Variants in KCNG4 observed in about 807,000 individuals in gnomAD.
The protein encoded by KCNG4 is voltage-gated potassium channel regulatory subunit KCNG4.
A neutral mutation model predicts 28.2 loss-of-function variants in KCNG4; 30 were observed. The ratio of observed to expected loss-of-function variants is 1.06; its 90% confidence interval spans 0.80 to 1.44. The LOEUF (loss-of-function observed/expected upper bound fraction) is 1.44. Ranked by LOEUF, KCNG4 falls within the 40% of genes most tolerant of loss-of-function variation. The probability of loss-of-function intolerance (pLI) is 0.00; values close to 1 mark genes in which losing one functional copy is unlikely to be tolerated. For missense variants in KCNG4, 879 were observed against 712.3 expected, an observed-to-expected ratio of 1.23 and a Z score of -2.66; for synonymous variants, 375 against 315.5, an observed-to-expected ratio of 1.19 and a Z score of -2.00.
rs1374655811 is a variant in KCNG4, at chr16:84,228,572, C to G, written c.757-5552G>C. Among the ~76,000 whole-genome samples, 4 of 152,264 alleles carry G rather than the reference C, an allele frequency of 2.6e-5. No individual in the cohort carries two copies. In the East Asian group the frequency reaches 7.7e-4, roughly 29 times the overall value. On this transcript the variant is annotated intron_variant, in intron 2 of 2. Coordinates refer to ENST00000308251, the MANE Select transcript of KCNG4 (RefSeq NM_172347.3). ...GGCCTCCCCCCAGGCACTACTCACC[C>G]CGAGCCGCAATCCCTCCTCCCCAGG...
intron 2 of KCNG4, among the ~76,000 whole-genome samples, chr16:84,234,087 G>A (rs1337524445): frequency 6.6e-6 from 1 of 152,190 alleles, no homozygotes; most frequent in African/African-American, 2.4e-5. Flanking sequence ...TCCCCCCTGG[G>A]AAATCCGGAA....
chr16:84,237,548 C>T, intron 1 of KCNG4, 23 bp from the exon 2 acceptor site: 5 of 1,412,170 alleles, frequency 3.5e-6, no homozygotes, highest in Non-Finnish European at 4.6e-6. Flanking sequence ...GGACAAAGAG[C>T]AAGCAAAAGG....
intron 2 of KCNG4, among the ~76,000 whole-genome samples, chr16:84,235,053 C>T (rs1029511385): frequency 1.3e-5 from 2 of 152,146 alleles, no homozygotes; most frequent in Non-Finnish European, 2.9e-5. Flanking sequence ...CAGGAGGAGA[C>T]GTGGCTGCCT....
chr16:84,225,737 T>A (rs1904682285), intron 2 of KCNG4, among the ~76,000 whole-genome samples: 2 of 152,228 alleles, frequency 1.3e-5, no homozygotes, highest in South Asian at 4.1e-4. Flanking sequence ...GGCTGGCATT[T>A]GGACACTCAA....
intron 2 of KCNG4, among the ~76,000 whole-genome samples, chr16:84,228,384 C>T (rs1904744468): frequency 6.6e-6 from 1 of 151,900 alleles, no homozygotes; most frequent in South Asian, 2.1e-4. Flanking sequence ...TGTGAGTTCA[C>T]CATTTGTGCC....
At position 84,226,224 on chromosome 16, in the gene KCNG4, C is replaced by T. The variant is rs1307447933; in HGVS notation, c.757-3204G>A. On this transcript the variant is annotated intron_variant, in intron 2 of 2. Coordinates refer to ENST00000308251, the MANE Select transcript of KCNG4 (RefSeq NM_172347.3). This position sits in a 1 kb window ranked among gnomAD's most constrained non-coding sequence, Gnocchi z 4.1. ...CAGGGTGTGAATGGTGAAACAACAC[C>T]GATGAATCCCACAGGCATGATGTGG... Among the ~76,000 whole-genome samples, 3 of 152,070 alleles carry T rather than the reference C, an allele frequency of 2.0e-5. No homozygotes were observed. The highest frequency in any genetic ancestry group is 2.1e-4 in the South Asian group (1 of 4,818).
chr16:84,225,399 A>G (rs1904674150), intron 2 of KCNG4, among the ~76,000 whole-genome samples: 1 of 152,218 alleles, frequency 6.6e-6, no homozygotes, highest in African/African-American at 2.4e-5. Context: ...GCTGATTTGG[A>G]AACCCTGGCA....
Position 84,226,992 on chromosome 16 carries a change from G to A in KCNG4, c.757-3972C>T, listed in dbSNP as rs1236950020. On this transcript the variant is annotated intron_variant, in intron 2 of 2. Transcript: ENST00000308251. This position sits in a 1 kb window ranked among gnomAD's most constrained non-coding sequence, Gnocchi z 4.1. ...TATTCTATTTACCTTGTAAATGTCT[G>A]AAGTTCTCCATGATGAAAAGTTAAA... 6.6e-6 allele frequency among the ~76,000 whole-genome samples: 1 copy of A among 151,934 alleles called. No individual in the cohort carries two copies. The highest frequency in any genetic ancestry group is 1.5e-5 in the Non-Finnish European group (1 of 67,992).
rs1452581251 is a variant in KCNG4 at position 84,236,991 on chromosome 16, C to A, written c.495G>T (p.Leu165=). Residue 165 remains leucine (L), a synonymous_variant, in exon 2 of 3, where the codon CTG becomes CTT. Transcript: ENST00000308251. ...AHLERCCLRK[L]LRKLEELEEL... The stretch of plus-strand genomic sequence containing the variant: ...CCTCCAGCTCCTCCAGCTTCCTCAG[C>A]AGCTTCCGCAGGCAGCACCTCTCCA... 6.2e-7 allele frequency: 1 copy of A among 1,613,864 alleles called. No individual in the cohort carries two copies. Among genetic ancestry groups the A allele is most frequent in the Admixed American group, 1.7e-5 (1 of 60,022 alleles).
chr16:84,219,388 G>A lies in KCNG4; in HGVS notation c.*2829C>T, dbSNP rs769092748. ...CAGTCAGTCCCCAGAAAGAGAGTAA[G>A]TGGGAGACTTTGTCCTTTTACTATT... On this transcript the variant is annotated 3_prime_UTR_variant, in exon 3 of 3. Transcript: ENST00000308251. 7.9e-5 allele frequency: 12 copies of A among 152,278 alleles called. No individual in the cohort carries two copies. The highest frequency in any genetic ancestry group is 1.6e-4 in the Non-Finnish European group (11 of 68,062). 9.4% of individuals were successfully genotyped at this position (152,278 alleles called of 1,614,324 possible). A position where few individuals can be genotyped will look rare whatever the true frequency, so the allele number is the denominator to read the frequency against.
rs576463206 is a variant in KCNG4 at position 84,221,914 on chromosome 16, C to A, written c.*303G>T. On this transcript the variant is annotated 3_prime_UTR_variant, in exon 3 of 3. Coordinates refer to ENST00000308251, the MANE Select transcript of KCNG4 (RefSeq NM_172347.3). ...CAGAACCCAGCCTGGGATGTTAAAG[C>A]CTCTGCTGGGAAGGAAAAGAGAATG... The A allele has an allele frequency of 1.1e-4, 43 of 381,940 alleles. No homozygotes were observed. The Admixed American group carries it at 1.2e-3, about 10-fold the overall frequency. 23.7% of individuals were successfully genotyped at this position (381,940 alleles called of 1,614,324 possible).
chr16:84,233,638 A>C (rs1904876781), intron 2 of KCNG4, among the ~76,000 whole-genome samples: 2 of 152,094 alleles, frequency 1.3e-5, no homozygotes. Context: ...CAGGAGATGC[A>C]GGCTGTAGTG....
At chr16:84,224,417 C>CAT (rs1567624039) in intron 2 of KCNG4, among the ~76,000 whole-genome samples, 1 of 151,132 alleles carries the variant, frequency 6.6e-6, no homozygotes. Context: ...CACACACACA[C>CAT]ACACACACAC....
intron 2 of KCNG4, among the ~76,000 whole-genome samples, chr16:84,231,733 G>A (rs550884908): frequency 6.6e-6 from 1 of 152,248 alleles, no homozygotes; most frequent in African/African-American, 2.4e-5. Flanking sequence ...GTCGGGCGTG[G>A]TGGCTCAAGC....
At chr16:84,232,102 G>C (rs1011577986) in intron 2 of KCNG4, among the ~76,000 whole-genome samples, 1 of 151,770 alleles carries the variant, frequency 6.6e-6, no homozygotes, top group Non-Finnish European at 1.5e-5. Flanking sequence ...TTGGCTTCAT[G>C]TCTCAAATCC....
Position 84,222,508 on chromosome 16 carries a change from G to T in KCNG4, c.1269C>A (p.Asp423Glu), listed in dbSNP as rs1904591887. ...IISMTTVGYG[D>E]MVPRSVPGQM... is the part of the protein sequence containing the mutation. ...GGCCTGGCACACTGCGGGGCACCAT[G>T]TCCCCGTAGCCCACCGTTGTCATGG... Residue 423 changes from aspartate (D) to glutamate (E), a missense_variant, in exon 3 of 3, where the codon GAC becomes GAA. By Grantham distance (45) the Asp-to-Glu change is conservative. Transcript: ENST00000308251. 3 of 1,613,352 alleles carry T rather than the reference G, an allele frequency of 1.9e-6. No homozygotes were observed. Among genetic ancestry groups the T allele is most frequent in the Non-Finnish European group, 2.5e-6 (3 of 1,179,794 alleles).
intron 2 of KCNG4, 23 bp from the exon 3 acceptor site, chr16:84,223,043 C>A: frequency 6.6e-7 from 1 of 1,508,144 alleles, no homozygotes; most frequent in Non-Finnish European, 8.9e-7. Flanking sequence ...GAGGCAACAA[C>A]GCGGGGTAGA....
intron 2 of KCNG4, among the ~76,000 whole-genome samples, chr16:84,231,867 G>T (rs1475159547): frequency 1.3e-5 from 2 of 152,068 alleles, no homozygotes; most frequent in Non-Finnish European, 2.9e-5. Flanking sequence ...TGCTGGGGAT[G>T]GTGTTGGGTG....
chr16:84,230,081 C>T (rs1904790926), intron 2 of KCNG4, among the ~76,000 whole-genome samples: 1 of 152,038 alleles, frequency 6.6e-6, no homozygotes, highest in African/African-American at 2.4e-5. Flanking sequence ...GGGGAGGAGG[C>T]CCCAAGAGTC....
Sources: allele counts gnomAD v4.1 joint callset (sites outside exome capture counted in the v4.1 genomes callset), GRCh38; gene constraint gnomAD v4.1.1; non-coding constraint Gnocchi (gnomAD v3.1); transcripts MANE v1.5; gene names NCBI Gene and HGNC (gene_info 2026-07-23, HGNC 2026-07-21).